Variants in CAP2 observed in about 807,000 individuals in gnomAD.
CAP2 encodes adenylyl cyclase-associated protein 2.
In CAP2, 24 loss-of-function variants were observed where a neutral mutation model predicts 57.7. The ratio of observed to expected loss-of-function variants is 0.42; its 90% CI spans 0.30 to 0.58. The LOEUF is 0.58. CAP2 is among the 20% of genes least tolerant of loss of function. CAP2 has a pLI of 0.22. For missense variants in CAP2, 501 were observed against 590.3 expected, an observed-to-expected ratio of 0.85 and a Z score of 1.57; for synonymous variants, 194 against 207.2, an observed-to-expected ratio of 0.94 and a Z score of 0.55.
intron 1 of CAP2, among the ~76,000 whole-genome samples, chr6:17,404,119 T>C (rs189104054): frequency 6.6e-6 from 1 of 152,346 alleles, no homozygotes; most frequent in African/African-American, 2.4e-5. Flanking sequence ...AATTCATTAA[T>C]TGACATAGTT....
At chr6:17,461,373 T>A (rs1274853779) in intron 3 of CAP2, among the ~76,000 whole-genome samples, 2 of 151,956 alleles carry the variant, frequency 1.3e-5, no homozygotes, top group Non-Finnish European at 2.9e-5. Flanking sequence ...ACTACAGGCA[T>A]GCACCACCAT....
At chr6:17,554,457 T>C (rs1763247653) in intron 12 of CAP2, among the ~76,000 whole-genome samples, 2 of 152,210 alleles carry the variant, frequency 1.3e-5, no homozygotes, top group Admixed American at 1.3e-4. Context: ...GGGGTCTCGC[T>C]ATGTTGCCCA....
At position 17,557,276 on chromosome 6, in the gene CAP2, C is replaced by A. The variant is rs917341873; in HGVS notation, c.*834C>A. 4 of 152,110 alleles carry A rather than the reference C, an allele frequency of 2.6e-5. No homozygotes were observed. Among genetic ancestry groups the A allele is most frequent in the Non-Finnish European group, 5.9e-5 (4 of 68,024 alleles). The allele number at this position is 152,110 out of a possible 1,614,324, so 9.4% of individuals were successfully genotyped here. On this transcript the variant is annotated 3_prime_UTR_variant, in exon 13 of 13. Coordinates refer to ENST00000229922, the MANE Select transcript of CAP2 (RefSeq NM_006366.3). ...ATATCAGATGCCTTGTAAATTATGTCTTTAACGTTTTCTTATAGACTAATT... is the reference window on the plus strand; with the variant it reads ...ATATCAGATGCCTTGTAAATTATGTATTTAACGTTTTCTTATAGACTAATT...
In CAP2 at chr6:17,496,028, G is replaced by GGC. The variant is rs71866539; in HGVS notation, c.301-11140_301-11139insCG. ...AACTGCTGTGCATGCGTGTGTGGGT[G>GGC]GGGGGGGGGGGTAAGTCAGGGAAAA... On this transcript the variant is annotated intron_variant, in intron 4 of 12. Coordinates refer to ENST00000229922, the MANE Select transcript of CAP2 (RefSeq NM_006366.3). 6.7e-4 allele frequency among the ~76,000 whole-genome samples: 13 copies of GGC among 19,422 alleles called. 1 individual carries two copies. The highest frequency in any genetic ancestry group is 8.5e-4 in the Non-Finnish European group (5 of 5,870). The allele number at this position is 19,422 out of a possible 152,430, so 12.7% of individuals were successfully genotyped here. A position where few individuals can be genotyped will look rare whatever the true frequency, so the allele number is the denominator to read the frequency against.
At chr6:17,450,542 T>C (rs1048485714) in intron 3 of CAP2, among the ~76,000 whole-genome samples, 1 of 152,238 alleles carries the variant, frequency 6.6e-6, no homozygotes, top group African/African-American at 2.4e-5. Context: ...GAGCTGTTTC[T>C]TATTGTCAGA....
chr6:17,537,565 T>A (rs1762802796), intron 7 of CAP2, among the ~76,000 whole-genome samples: 1 of 152,118 alleles, frequency 6.6e-6, no homozygotes, highest in African/African-American at 2.4e-5. Flanking sequence ...ATTTTGATAC[T>A]GCATAATACT....
intron 4 of CAP2, among the ~76,000 whole-genome samples, chr6:17,474,296 G>C (rs765917291): frequency 3.9e-5 from 5 of 128,720 alleles, no homozygotes; most frequent in African/African-American, 5.8e-5. Flanking sequence ...CTTCTTGTTT[G>C]ATATTTTTTT....
rs1762011084 is a variant in CAP2, at chr6:17,507,207, G to A, written c.339G>A (p.Lys113=). The part of the protein sequence containing the change: ...VAALLKPISE[K]IQEIQTFRER... ...CACTTCTGAAACCCATATCGGAAAAGATTCAGGAAATCCAAACTTTCAGAG... is the reference window on the plus strand; with the variant it reads ...CACTTCTGAAACCCATATCGGAAAAAATTCAGGAAATCCAAACTTTCAGAG... Residue 113 remains lysine, a synonymous_variant, in exon 5 of 13, where the codon AAG becomes AAA. Transcript: ENST00000229922. The A allele has an allele frequency of 6.2e-7, 1 of 1,614,100 alleles. No homozygotes were observed. Among genetic ancestry groups the A allele is most frequent in the African/African-American group, 1.3e-5 (1 of 74,944 alleles).
chr6:17,534,117 C>A (rs1031180404), intron 7 of CAP2, among the ~76,000 whole-genome samples: 59 of 152,252 alleles, frequency 3.9e-4, no homozygotes, highest in African/African-American at 1.3e-3. Flanking sequence ...TGGCTTTGTG[C>A]AAGTTACATG....
chr6:17,529,739 G>A (rs1762597307), intron 7 of CAP2, among the ~76,000 whole-genome samples: 1 of 151,238 alleles, frequency 6.6e-6, no homozygotes, highest in African/African-American at 2.4e-5. Context: ...TAAAACATTA[G>A]GTCTGTTCTA....
intron 6 of CAP2, among the ~76,000 whole-genome samples, chr6:17,508,393 G>A (rs962655947): frequency 6.6e-6 from 1 of 152,190 alleles, no homozygotes; most frequent in Non-Finnish European, 1.5e-5. Flanking sequence ...ACGGAGACAT[G>A]GCAGAGCTGA....
At chr6:17,399,268 G>C (rs1758748829) in intron 1 of CAP2, among the ~76,000 whole-genome samples, 1 of 151,966 alleles carries the variant, frequency 6.6e-6, no homozygotes, top group South Asian at 2.1e-4. Context: ...TTGTCATGTT[G>C]GCCAGGCTGG....
intron 7 of CAP2, among the ~76,000 whole-genome samples, chr6:17,537,994 G>T (rs758634350): frequency 6.6e-6 from 1 of 152,106 alleles, no homozygotes; most frequent in Non-Finnish European, 1.5e-5. Flanking sequence ...TTGAACCTGG[G>T]AGACTGATGT....
chr6:17,533,049 G>A (rs1243825083), intron 7 of CAP2, among the ~76,000 whole-genome samples: 2 of 98,040 alleles, frequency 2.0e-5, no homozygotes, highest in Non-Finnish European at 3.7e-5. Flanking sequence ...TGGGCAACAA[G>A]AGCAAAACTC....
At chr6:17,418,231 T>C (rs1235027449) in intron 1 of CAP2, among the ~76,000 whole-genome samples, 1 of 152,212 alleles carries the variant, frequency 6.6e-6, no homozygotes, top group Non-Finnish European at 1.5e-5. Flanking sequence ...AATGCTAACA[T>C]GTCTCCTGGT....
intron 2 of CAP2, among the ~76,000 whole-genome samples, chr6:17,423,352 G>C (rs983339040): frequency 6.6e-6 from 1 of 152,182 alleles, no homozygotes; most frequent in Non-Finnish European, 1.5e-5. Flanking sequence ...CCAGGAGCCT[G>C]TAAGTTTTTT....
Position 17,529,403 on chromosome 6 carries a change from AG to A in CAP2, c.637-9864del, listed in dbSNP as rs1649344630. Among the ~76,000 whole-genome samples, 9 of 152,272 alleles carry A rather than the reference AG, an allele frequency of 5.9e-5. 1 individual carries two copies. In the South Asian group the frequency reaches 1.9e-3, roughly 32 times the overall value. The stretch of plus-strand genomic sequence containing the variant: ...ACGCCTGTAATCCCAACACTTTGGG[AG>A]GCCAAGGCAGGCGGATCACGAGGTC... On this transcript the variant is annotated intron_variant, in intron 7 of 12. Transcript: ENST00000229922.
intron 4 of CAP2, among the ~76,000 whole-genome samples, chr6:17,496,079 C>T (rs1463916584): frequency 6.8e-6 from 1 of 146,298 alleles, no homozygotes; most frequent in Non-Finnish European, 1.5e-5. Flanking sequence ...CTGTTAAATG[C>T]CCTTGAAAGC....
chr6:17,550,458 T>A (rs1248288505), intron 11 of CAP2, among the ~76,000 whole-genome samples: 1 of 137,892 alleles, frequency 7.3e-6, no homozygotes, highest in Non-Finnish European at 1.5e-5. Context: ...GTTCAGTTTC[T>A]ATGGAGAGAG....
Sources: gnomAD v4.1 joint callset for allele counts (sites outside exome capture counted in the v4.1 genomes callset) on GRCh38, gnomAD v4.1.1 for gene constraint, MANE v1.5 for transcripts, NCBI Gene and HGNC (gene_info 2026-07-23, HGNC 2026-07-21) for gene names.